Variants in RFWD3 observed in about 807,000 individuals in gnomAD.
The protein encoded by RFWD3 is E3 ubiquitin-protein ligase RFWD3.
In RFWD3, 65 loss-of-function variants were observed where a neutral mutation model predicts 87.7. That is an observed-to-expected ratio of 0.74 (90% CI 0.61 to 0.91). RFWD3 has a LOEUF of 0.91. Among genes scored for constraint, RFWD3 ranks in the 40% least tolerant of loss-of-function variants. The pLI, the probability that RFWD3 is intolerant of heterozygous loss-of-function variation, is 0.00. For synonymous variants in RFWD3, 433 were observed against 352.8 expected (o/e 1.23, Z -2.55); for missense variants, 1,078 against 938.5 (o/e 1.15, Z -1.94).
chr16:74,656,446 G>C (rs187676247), intron 2 of RFWD3, among the ~76,000 whole-genome samples: 73 of 151,636 alleles, frequency 4.8e-4, no homozygotes, highest in Non-Finnish European at 8.1e-4. Flanking sequence ...AATGGATCTG[G>C]ACAAAGTAAA....
chr16:74,636,682 A>T, intron 7 of RFWD3, 105 bp from the exon 8 acceptor site: 1 of 864,772 alleles, frequency 1.2e-6, no homozygotes, highest in Non-Finnish European at 1.8e-6. Context: ...CATTATATGA[A>T]AGTGTTAACA....
intron 8 of RFWD3, among the ~76,000 whole-genome samples, chr16:74,633,323 G>T (rs1301002201): frequency 6.7e-6 from 1 of 148,942 alleles, no homozygotes; most frequent in Non-Finnish European, 1.5e-5. Flanking sequence ...ACCCATGCTT[G>T]CTTCATGACA....
Position 74,628,674 on chromosome 16 carries a change from G to A in RFWD3, c.1755-8C>T, listed in dbSNP as rs759327850. 1.5e-5 allele frequency: 24 copies of A among 1,613,638 alleles called. No homozygotes were observed. The highest frequency in any genetic ancestry group is 2.0e-5 in the Non-Finnish European group (24 of 1,179,740). On this transcript the variant is annotated splice_region_variant and splice_polypyrimidine_tract_variant and intron_variant, in intron 10 of 12. Coordinates refer to ENST00000361070, the MANE Select transcript of RFWD3 (RefSeq NM_018124.4). ...AGGGAGACCAGTGGGCATCTGAAAG[G>A]AAAGTAAGGAAACTGTATCTCACAC...
chr16:74,626,252 TGAGC>T, intron 12 of RFWD3, 87 bp downstream of exon 12: 1 of 1,144,726 alleles, frequency 8.7e-7, no homozygotes, highest in Admixed American at 1.8e-5. Context: ...TTTTGCTATA[TGAGC>T]TTCTGTAAAA....
chr16:74,652,011 C>A lies in RFWD3; in HGVS notation c.630G>T (p.Val210=). 1 of 1,614,090 alleles carries A rather than the reference C, an allele frequency of 6.2e-7. No homozygotes were observed. Among genetic ancestry groups the A allele is most frequent in the Non-Finnish European group, 8.5e-7 (1 of 1,179,986 alleles). Residue 210 remains valine, a synonymous_variant, in exon 3 of 13, where the codon GTG becomes GTT. Coordinates refer to ENST00000361070, the MANE Select transcript of RFWD3 (RefSeq NM_018124.4). ...TRNPVSEELQ[V]SSSSDSDSDS... is the part of the protein sequence containing the mutation. ...CACTGTCAGAATCAGAACTACTAGA[C>A]ACCTGCAACTCTTCAGATACAGGAT...
intron 3 of RFWD3, among the ~76,000 whole-genome samples, chr16:74,649,487 T>C (rs978112345): frequency 6.6e-6 from 1 of 152,252 alleles, no homozygotes; most frequent in Non-Finnish European, 1.5e-5. Flanking sequence ...TTGCCAATCT[T>C]GTTCCACCTA....
intron 10 of RFWD3, among the ~76,000 whole-genome samples, chr16:74,629,062 C>T (rs893070517): frequency 1.3e-5 from 2 of 152,118 alleles, no homozygotes; most frequent in African/African-American, 4.8e-5. Context: ...AGTTGACAGA[C>T]CCCACAATTA....
At chr16:74,632,399 CA>C (rs1336240996) in intron 9 of RFWD3, 123 bp downstream of exon 9, 36 of 1,172,676 alleles carry the variant, frequency 3.1e-5, no homozygotes, top group Non-Finnish European at 4.1e-5. Context: ...CTCAAAAAAA[CA>C]AAACAAAACA....
intron 1 of RFWD3, chr16:74,664,470 G>C (rs1449118119): frequency 1.3e-5 from 2 of 152,164 alleles, no homozygotes. Flanking sequence ...ATCAAATTCG[G>C]CCAGGAGCTG....
At chr16:74,626,739 GGCTA>G (rs1037251561) in intron 11 of RFWD3, among the ~76,000 whole-genome samples, 185 bp from the exon 12 acceptor site, 10 of 152,126 alleles carry the variant, frequency 6.6e-5, no homozygotes, top group African/African-American at 2.4e-4. Flanking sequence ...TAGAACCGTA[GGCTA>G]GCATCAGTGA....
chr16:74,647,948 T>A (rs1241772142), intron 4 of RFWD3, among the ~76,000 whole-genome samples: 1 of 152,056 alleles, frequency 6.6e-6, no homozygotes, highest in Non-Finnish European at 1.5e-5. Flanking sequence ...CTGATTTTTT[T>A]TTAATTTTAA....
intron 8 of RFWD3, among the ~76,000 whole-genome samples, chr16:74,635,510 G>A (rs969298541): frequency 6.6e-6 from 1 of 151,396 alleles, no homozygotes; most frequent in Admixed American, 6.6e-5. Context: ...AATACACACC[G>A]AGTTAATCAT....
At chr16:74,650,380 G>T (rs549135947) in intron 3 of RFWD3, among the ~76,000 whole-genome samples, 1 of 151,098 alleles carries the variant, frequency 6.6e-6, no homozygotes, top group South Asian at 2.1e-4. Flanking sequence ...CAATGGGGGT[G>T]GGGGGCTGGT....
At chr16:74,639,428 T>A (rs143084121) in intron 6 of RFWD3, among the ~76,000 whole-genome samples, 2 of 152,316 alleles carry the variant, frequency 1.3e-5, no homozygotes, top group African/African-American at 4.8e-5. Flanking sequence ...GTATATGCAA[T>A]CTGTCATTGA....
chr16:74,635,717 T>C (rs1215094594), intron 8 of RFWD3, among the ~76,000 whole-genome samples: 3 of 152,368 alleles, frequency 2.0e-5, no homozygotes, highest in East Asian at 3.9e-4. Flanking sequence ...TATATAACCA[T>C]GCTAAAGCAA....
chr16:74,632,791 A>C, intron 8 of RFWD3, 118 bp from the exon 9 acceptor site: 1 of 880,640 alleles, frequency 1.1e-6, no homozygotes, highest in Non-Finnish European at 1.7e-6. Flanking sequence ...CTTGGGAACC[A>C]GCTGGTCAAA....
At chr16:74,655,750 T>G (rs1011615730) in intron 2 of RFWD3, among the ~76,000 whole-genome samples, 1 of 151,854 alleles carries the variant, frequency 6.6e-6, no homozygotes, top group Non-Finnish European at 1.5e-5. Flanking sequence ...GTCTCACCCA[T>G]CTCCTGACCT....
chr16:74,663,720 G>A (rs1414226894), intron 1 of RFWD3, among the ~76,000 whole-genome samples: 2 of 152,122 alleles, frequency 1.3e-5, no homozygotes, highest in African/African-American at 4.8e-5. Context: ...GTTTTTTAAG[G>A]CCATAAAGGA....
At chr16:74,657,576 A>G (rs1411631192) in intron 2 of RFWD3, among the ~76,000 whole-genome samples, 2 of 151,250 alleles carry the variant, frequency 1.3e-5, no homozygotes, top group African/African-American at 4.9e-5. Flanking sequence ...CCCGGGTTCA[A>G]GCGATTCTCC....
Sources: allele counts gnomAD v4.1 joint callset (sites outside exome capture counted in the v4.1 genomes callset), GRCh38; gene constraint gnomAD v4.1.1; transcripts MANE v1.5; gene names NCBI Gene and HGNC (gene_info 2026-07-23, HGNC 2026-07-21).